Variants in NDST4 observed in about 807,000 individuals in gnomAD.
NDST4 encodes the protein N-heparan sulfate sulfotransferase 4.
Under a neutral mutation model 100.8 loss-of-function variants are expected in NDST4, and 63 were observed. That is an observed-to-expected ratio of 0.62 (90% CI 0.51 to 0.77). The LOEUF (loss-of-function observed/expected upper bound fraction) is 0.77, where lower values mean the gene tolerates loss of function less well. Among genes scored for constraint, NDST4 ranks in the 30% least tolerant of loss-of-function variants. NDST4 has a pLI of 0.00. For missense variants in NDST4, 943 were observed against 1,018.4 expected (o/e 0.93, Z 1.01); for synonymous variants, 377 against 361.8 (o/e 1.04, Z -0.48).
chr4:114,935,395 T>C, intron 5 of NDST4, 61 bp from the exon 6 acceptor site: 1 of 1,417,490 alleles, frequency 7.1e-7, no homozygotes, highest in South Asian at 1.7e-5. Context: ...TTCACCTGTG[T>C]CTCATAACTT....
intron 7 of NDST4, among the ~76,000 whole-genome samples, chr4:114,854,747 C>A (rs1015440702): frequency 6.6e-6 from 1 of 152,148 alleles, no homozygotes; most frequent in Non-Finnish European, 1.5e-5. Context: ...GGATTACAGG[C>A]ATGAGCCCGA....
intron 1 of NDST4, among the ~76,000 whole-genome samples, chr4:115,109,134 A>T (rs1445098507): frequency 6.6e-6 from 1 of 151,744 alleles, no homozygotes; most frequent in African/African-American, 2.4e-5. Flanking sequence ...AGAAAAAGAG[A>T]GGAAGGGAAG....
intron 2 of NDST4, among the ~76,000 whole-genome samples, chr4:114,998,027 T>G (rs1727203773): frequency 6.6e-6 from 1 of 152,102 alleles, no homozygotes; most frequent in South Asian, 2.1e-4. Context: ...TATCCTCCAC[T>G]GATGACAACT....
intron 2 of NDST4, among the ~76,000 whole-genome samples, chr4:115,045,610 A>G (rs976751524): frequency 1.3e-5 from 2 of 152,176 alleles, no homozygotes; most frequent in African/African-American, 4.8e-5. Flanking sequence ...CTGATATTGA[A>G]CAACAGATCC....
intron 6 of NDST4, among the ~76,000 whole-genome samples, chr4:114,934,567 T>A (rs1257151045): frequency 1.2e-4 from 17 of 142,700 alleles, no homozygotes; most frequent in East Asian, 4.1e-4. Flanking sequence ...AAAAAAAAAA[T>A]AAAATAAAAA....
intron 4 of NDST4, among the ~76,000 whole-genome samples, chr4:114,958,970 T>C (rs1280222014): frequency 6.6e-6 from 1 of 152,036 alleles, no homozygotes; most frequent in Non-Finnish European, 1.5e-5. Context: ...TAGAAATTTC[T>C]TCCACCAGAG....
chr4:115,045,113 A>G (rs1578479077), intron 2 of NDST4, among the ~76,000 whole-genome samples: 1 of 152,234 alleles, frequency 6.6e-6, no homozygotes. Flanking sequence ...ATGAAGTCTA[A>G]TAAGAGAAAT....
chr4:115,025,051 C>A (rs1033441413), intron 2 of NDST4, among the ~76,000 whole-genome samples: 1 of 152,278 alleles, frequency 6.6e-6, no homozygotes, highest in Non-Finnish European at 1.5e-5. Context: ...GGTGCTATGT[C>A]CCTAGACTTC....
chr4:114,970,315 C>T (rs1726482147), intron 4 of NDST4, 115 bp downstream of exon 4: 1 of 934,196 alleles, frequency 1.1e-6, no homozygotes, highest in Non-Finnish European at 1.6e-6. Flanking sequence ...GTGATGCACC[C>T]TGATATTATA....
intron 6 of NDST4, among the ~76,000 whole-genome samples, chr4:114,873,782 A>G (rs1724200407): frequency 6.6e-6 from 1 of 152,132 alleles, no homozygotes; most frequent in South Asian, 2.1e-4. Context: ...TGTAAGTAGC[A>G]TGCTTCAGGA....
At chr4:115,105,567 A>T (rs1382247454) in intron 1 of NDST4, among the ~76,000 whole-genome samples, 2 of 152,116 alleles carry the variant, frequency 1.3e-5, no homozygotes, top group East Asian at 3.9e-4. Context: ...CCAAGTGCTC[A>T]TTCTAAAACC....
intron 2 of NDST4, among the ~76,000 whole-genome samples, chr4:115,004,544 C>T (rs1252839356): frequency 6.6e-6 from 1 of 152,082 alleles, no homozygotes; most frequent in East Asian, 1.9e-4. Context: ...GAGAAAAAAG[C>T]AAATCTATTT....
chr4:114,916,327 G>C (rs994291441), intron 6 of NDST4, among the ~76,000 whole-genome samples: 4 of 152,108 alleles, frequency 2.6e-5, no homozygotes, highest in African/African-American at 9.7e-5. Context: ...GCCGAAAGTA[G>C]CACCACATTC....
At chr4:114,829,428 A>C (rs1022072792) in intron 13 of NDST4, among the ~76,000 whole-genome samples, 2 of 152,154 alleles carry the variant, frequency 1.3e-5, no homozygotes, top group Non-Finnish European at 2.9e-5. Context: ...TAGGCCTTGA[A>C]TATCTGTATT....
intron 6 of NDST4, among the ~76,000 whole-genome samples, chr4:114,890,578 T>C (rs1287088400): frequency 2.0e-5 from 3 of 152,094 alleles, no homozygotes; most frequent in African/African-American, 2.4e-5. Flanking sequence ...GTTATTCCAA[T>C]CTTAGTATAG....
chr4:114,873,839 C>T (rs1174456934), intron 6 of NDST4, among the ~76,000 whole-genome samples: 2 of 152,080 alleles, frequency 1.3e-5, no homozygotes, highest in East Asian at 1.9e-4. Flanking sequence ...AACCAGGCTG[C>T]AGGCTAAATG....
At chr4:114,898,803 AT>A (rs201179832) in intron 6 of NDST4, among the ~76,000 whole-genome samples, 4 of 151,842 alleles carry the variant, frequency 2.6e-5, no homozygotes, top group African/African-American at 7.3e-5. Flanking sequence ...TGTAAATAGT[AT>A]TTTTTTTCAA....
chr4:114,890,187 G>C (rs138532391), intron 6 of NDST4, among the ~76,000 whole-genome samples: 41 of 151,990 alleles, frequency 2.7e-4, no homozygotes, highest in Non-Finnish European at 5.1e-4. Context: ...ACAATGGAAA[G>C]CTCTGTTTTA....
At chr4:115,069,550 A>G (rs1423168226) in intron 2 of NDST4, among the ~76,000 whole-genome samples, 1 of 152,240 alleles carries the variant, frequency 6.6e-6, no homozygotes, top group African/African-American at 2.4e-5. Context: ...GCATATGGAA[A>G]AAACTGAACA....
Sources: gnomAD v4.1 joint callset for allele counts (sites outside exome capture counted in the v4.1 genomes callset) on GRCh38, gnomAD v4.1.1 for gene constraint, MANE v1.5 for transcripts, NCBI Gene and HGNC (gene_info 2026-07-23, HGNC 2026-07-21) for gene names.